The following OR8B3 variants were observed in gnomAD, a reference collection of about 807,000 sequenced individuals.
OR8B3 encodes olfactory receptor family 8 subfamily B member 3, also known as olfactory receptor 8B3.
For synonymous variants in OR8B3, 102 were observed against 135.4 expected, an observed-to-expected ratio of 0.75 and a Z score of 1.71; for missense variants, 278 against 377.6, an observed-to-expected ratio of 0.74 and a Z score of 2.19.
intron 1 of OR8B3, among the ~76,000 whole-genome samples, chr11:124,398,255 T>C (rs948743356): frequency 1.5e-5 from 2 of 137,428 alleles, no homozygotes; most frequent in Non-Finnish European, 3.1e-5. Context: ...CACATTCTCC[T>C]CTATTCCATC....
Position 124,396,239 on chromosome 11 carries a change from C to T in OR8B3, c.*171G>A. ...CTATTTAGTAAAATTGTGAGAAGTG[C>T]CAGAGATGCAAAACCAAAAAAAGAG... On this transcript the variant is annotated 3_prime_UTR_variant, in exon 2 of 2. Coordinates refer to ENST00000641139, the MANE Select transcript of OR8B3 (RefSeq NM_001005467.2). 1 of 619,812 alleles carries T rather than the reference C, an allele frequency of 1.6e-6. No homozygotes were observed. Among genetic ancestry groups the T allele is most frequent in the South Asian group, 2.6e-5 (1 of 39,084 alleles). 38.4% of individuals were successfully genotyped at this position (619,812 alleles called of 1,614,324 possible). A position where few individuals can be genotyped will look rare whatever the true frequency, so the allele number is the denominator to read the frequency against.
At chr11:124,402,075 G>C (rs1202327938), upstream of OR8B3, among the ~76,000 whole-genome samples, 2 of 152,190 alleles carry the variant, frequency 1.3e-5, no homozygotes, top group Non-Finnish European at 2.9e-5. Context: ...CTCCACTCTT[G>C]CCCTCCTGAC....
At chr11:124,408,334 A>T in the OR8B3 span, among the ~76,000 whole-genome samples, 2 of 152,316 alleles carry the variant, frequency 1.3e-5, no homozygotes, top group Admixed American at 6.5e-5. Context: ...GAATAATCTT[A>T]GTTTGTTTCC....
In OR8B3 at chr11:124,396,665, T is replaced by C. The variant is rs748617455; in HGVS notation, c.687A>G (p.Lys229=). ...AGGCTTTTGATCTTCCTTGAGTGGA[T>C]TTGATATGAAGAATGCTAGTGACAA... ...VFIVTSILHI[K]STQGRSKAFS... The change falls in exon 2 of 2, where the codon AAA becomes AAG. Residue 229 remains lysine (K), a synonymous_variant. Coordinates refer to ENST00000641139, the MANE Select transcript of OR8B3 (RefSeq NM_001005467.2). 6.2e-7 allele frequency: 1 copy of C among 1,612,558 alleles called. No individual in the cohort carries two copies. The highest frequency in any genetic ancestry group is 1.3e-5 in the African/African-American group (1 of 74,858).
At chr11:124,397,668 C>T (rs1388662860) in intron 1 of OR8B3, among the ~76,000 whole-genome samples, 1 of 151,252 alleles carries the variant, frequency 6.6e-6, no homozygotes, top group Non-Finnish European at 1.5e-5. Context: ...TCATCTCCCT[C>T]GCTTCCATCT....
the OR8B3 span, among the ~76,000 whole-genome samples, chr11:124,405,579 G>A: frequency 4.6e-5 from 7 of 152,338 alleles, no homozygotes; most frequent in East Asian, 3.9e-4. Context: ...GCAGGCAAGA[G>A]CCATCAGCAC....
At chr11:124,403,915 A>G (rs1861041441), upstream of OR8B3, among the ~76,000 whole-genome samples, 1 of 152,238 alleles carries the variant, frequency 6.6e-6, no homozygotes. Context: ...GCTGGAGACC[A>G]GCCCGGCCAA....
rs28496031 is a variant in OR8B3, at chr11:124,396,494, A to G, written c.858T>C (p.Pro286=). 7.7e-3 allele frequency: 12,411 copies of G among 1,609,286 alleles called. 191 individuals carry two copies. The highest frequency in any genetic ancestry group is 0.058 in the African/African-American group (4,297 of 74,092). The part of the protein sequence containing the change: ...FYTNVVPMLN[P]LIYSLRNKDV... ...CCTTGTTCCTCAAACTGTAGATGAG[A>G]GGATTGAGCATGGGCACCACATTAG... is the stretch of plus-strand genomic sequence containing the variant. Residue 286 remains proline, a synonymous_variant, in exon 2 of 2, where the codon CCT becomes CCC. Transcript: ENST00000641139.
At chr11:124,406,475 G>GC in the OR8B3 span, among the ~76,000 whole-genome samples, 4 of 151,836 alleles carry the variant, frequency 2.6e-5, no homozygotes, top group Admixed American at 2.6e-4. Context: ...GTATTTATGT[G>GC]CCCCAAGTTC....
rs187567585 is a variant in OR8B3 at position 124,398,203 on chromosome 11, A to G, written c.-18+487T>C. Among the ~76,000 whole-genome samples the G allele has an allele frequency of 2.2e-3, 328 of 152,276 alleles. 2 individuals carry two copies. Among genetic ancestry groups the G allele is most frequent in the South Asian group, 1.9e-3 (9 of 4,824 alleles). Reference sequence around the variant, plus strand: ...ATAACAGAAGACCCTTAGTAGTCAAAGCCTTATGATTCACCACATACAAAT... The same window carrying G: ...ATAACAGAAGACCCTTAGTAGTCAAGGCCTTATGATTCACCACATACAAAT... On this transcript the variant is annotated intron_variant, in intron 1 of 1. Coordinates refer to ENST00000641139, the MANE Select transcript of OR8B3 (RefSeq NM_001005467.2).
chr11:124,397,060 T>C lies in OR8B3; in HGVS notation c.292A>G (p.Met98Val). The change falls in exon 2 of 2, where the codon ATG becomes GTG. Residue 98 changes from methionine to valine, a missense_variant. Transcript: ENST00000641139. ...KKNIISYVGC[M>V]TQLFFFLFFV... is the part of the protein sequence containing the mutation. The stretch of plus-strand genomic sequence containing the variant: ...AAGAGAAAGAAAAACAGCTGAGTCA[T>C]GCACCCAACATAGGAGATAATATTC... The C allele has an allele frequency of 6.2e-7, 1 of 1,613,950 alleles. No homozygotes were observed. Among genetic ancestry groups the C allele is most frequent in the Non-Finnish European group, 8.5e-7 (1 of 1,179,882 alleles).
upstream of OR8B3, among the ~76,000 whole-genome samples, chr11:124,403,368 C>G (rs544917763): frequency 6.6e-6 from 1 of 151,822 alleles, no homozygotes; most frequent in Non-Finnish European, 1.5e-5. Context: ...GGGCGGCTGC[C>G]GGGCGGAGGG....
intron 1 of OR8B3, among the ~76,000 whole-genome samples, chr11:124,398,118 A>G (rs11219632): frequency 0.024 from 3,718 of 152,282 alleles, 88 homozygotes; most frequent in South Asian, 0.13. Flanking sequence ...TTTCCTAGAC[A>G]GGGGTCTCCT....
rs1206879405 is a variant in OR8B3, at chr11:124,396,737, A to G, written c.615T>C (p.Ile205=). The G allele has an allele frequency of 2.5e-6, 4 of 1,613,860 alleles. No homozygotes were observed. The Admixed American group carries it at 6.7e-5, about 27-fold the overall frequency. ...TGGTACAACTGGGTACCATGATATT[A>G]ATACCCACAACAATGAGAACAACCA... ...NEVVVLIVVG[I]NIMVPSCTIL... The change falls in exon 2 of 2, where the codon ATT becomes ATC. Residue 205 remains isoleucine (I), a synonymous_variant. Coordinates refer to ENST00000641139, the MANE Select transcript of OR8B3 (RefSeq NM_001005467.2).
chr11:124,396,216 A>C lies in OR8B3; in HGVS notation c.*194T>G. ...TCCTTTTACAAAGATGCCATGACCT[A>C]TTTAGTAAAATTGTGAGAAGTGCCA... On this transcript the variant is annotated 3_prime_UTR_variant, in exon 2 of 2. Transcript: ENST00000641139. 1.8e-6 allele frequency: 1 copy of C among 561,380 alleles called. No homozygotes were observed. The highest frequency in any genetic ancestry group is 3.1e-6 in the Non-Finnish European group (1 of 322,540). The allele number at this position is 561,380 out of a possible 1,614,324, so 34.8% of individuals were successfully genotyped here. A position where few individuals can be genotyped will look rare whatever the true frequency, so the allele number is the denominator to read the frequency against.
upstream of OR8B3, among the ~76,000 whole-genome samples, chr11:124,400,435 C>A (rs1184962782): frequency 6.6e-6 from 1 of 152,056 alleles, no homozygotes; most frequent in African/African-American, 2.4e-5. Context: ...AAAACATATA[C>A]CTCCTTTCTA....
At chr11:124,408,557 A>G in the OR8B3 span, among the ~76,000 whole-genome samples, 1 of 152,224 alleles carries the variant, frequency 6.6e-6, no homozygotes, top group Admixed American at 6.5e-5. Context: ...CTATAGGTGA[A>G]GAAATCTGTC....
the OR8B3 span, among the ~76,000 whole-genome samples, chr11:124,409,724 A>G: frequency 6.6e-6 from 1 of 152,196 alleles, no homozygotes; most frequent in Non-Finnish European, 1.5e-5. Context: ...GTTTTTGCCA[A>G]TAGATAGAAT....
the OR8B3 span, among the ~76,000 whole-genome samples, chr11:124,405,964 G>C: frequency 6.6e-6 from 1 of 152,124 alleles, no homozygotes; most frequent in African/African-American, 2.4e-5. Flanking sequence ...TGCTCCCTTT[G>C]TCACTTCCTT....
Sources: gnomAD v4.1 joint callset for allele counts (sites outside exome capture counted in the v4.1 genomes callset) on GRCh38, gnomAD v4.1.1 for gene constraint, MANE v1.5 for transcripts, NCBI Gene and HGNC (gene_info 2026-07-23, HGNC 2026-07-21) for gene names.